The following CA10 variants were observed in gnomAD, a reference collection of about 807,000 sequenced individuals.
CA10 encodes the protein carbonic anhydrase-related protein 10.
Under a neutral mutation model 44.2 loss-of-function variants are expected in CA10, and 14 were observed. The ratio of observed to expected loss-of-function variants is 0.32; its 90% CI spans 0.21 to 0.50. The LOEUF is 0.50. Among genes scored for constraint, CA10 ranks in the 20% least tolerant of loss-of-function variants. The pLI is 0.99. For synonymous variants in CA10, 159 were observed against 141.6 expected (o/e 1.12, Z -0.87); for missense variants, 350 against 409.7 (o/e 0.85, Z 1.26).
chr17:52,141,724 G>A (rs1989484205), intron 1 of CA10, among the ~76,000 whole-genome samples: 1 of 152,162 alleles, frequency 6.6e-6, no homozygotes, highest in South Asian at 2.1e-4. Flanking sequence ...CTGAGCTCTG[G>A]TCTGAGTTGT....
intron 1 of CA10, among the ~76,000 whole-genome samples, chr17:52,076,549 A>G (rs1987824225): frequency 6.6e-6 from 1 of 152,224 alleles, no homozygotes; most frequent in Non-Finnish European, 1.5e-5. Flanking sequence ...GATGTCTATC[A>G]ATTACAAAAT....
At chr17:52,145,032 G>A (rs1388273910) in intron 1 of CA10, among the ~76,000 whole-genome samples, 1 of 152,142 alleles carries the variant, frequency 6.6e-6, no homozygotes, top group African/African-American at 2.4e-5. Context: ...AACGTATAAT[G>A]TTTTCGATGA....
At chr17:52,139,503 C>CT (rs1329533543) in intron 1 of CA10, among the ~76,000 whole-genome samples, 1 of 145,046 alleles carries the variant, frequency 6.9e-6, no homozygotes, top group Non-Finnish European at 1.5e-5. Context: ...TGTTCGGTGT[C>CT]TTTTGCTTGC....
intron 3 of CA10, among the ~76,000 whole-genome samples, chr17:51,824,906 T>G (rs1907948630): frequency 1.3e-5 from 2 of 152,278 alleles, no homozygotes; most frequent in Admixed American, 1.3e-4. Context: ...AATGGCCATT[T>G]GCAGGCGTGG....
intron 4 of CA10, among the ~76,000 whole-genome samples, chr17:51,727,348 G>A (rs1916559136): frequency 6.6e-6 from 1 of 152,024 alleles, no homozygotes; most frequent in Admixed American, 6.6e-5. Context: ...AGTAGGAGGG[G>A]TATCCCACAC....
At chr17:51,638,272 G>GA (rs1341056563) in intron 6 of CA10, among the ~76,000 whole-genome samples, 2 of 152,210 alleles carry the variant, frequency 1.3e-5, no homozygotes, top group Non-Finnish European at 2.9e-5. Context: ...CTACTCCCTT[G>GA]ATGGGGTAAG....
chr17:51,688,526 T>G (rs951269781), intron 4 of CA10, among the ~76,000 whole-genome samples: 2 of 152,226 alleles, frequency 1.3e-5, no homozygotes, highest in Non-Finnish European at 2.9e-5. Context: ...TCATCCCTAC[T>G]TCTTAGGTTG....
chr17:51,898,467 C>T (rs796583496), intron 3 of CA10, among the ~76,000 whole-genome samples: 18 of 151,918 alleles, frequency 1.2e-4, no homozygotes, highest in Admixed American at 2.6e-4. Context: ...ATTTTGTTGA[C>T]GATTTTTGCA....
At chr17:52,028,138 C>A (rs1000182166) in intron 2 of CA10, among the ~76,000 whole-genome samples, 3 of 152,122 alleles carry the variant, frequency 2.0e-5, no homozygotes, top group African/African-American at 7.2e-5. Context: ...ATGAGCTCCT[C>A]TTAATGATGG....
chr17:52,150,996 A>AT lies in CA10; in HGVS notation c.61+6729dup, dbSNP rs928303398. 6.6e-5 allele frequency among the ~76,000 whole-genome samples: 10 copies of AT among 152,112 alleles called. No homozygotes were observed. In the East Asian group the frequency reaches 7.7e-4, roughly 12 times the overall value. ...GGGCAAATTGATCTATTAGGTCAGG[A>AT]TTTTTTTTAATGTGTTTTGTGATCA... On this transcript the variant is annotated intron_variant, in intron 1 of 8. Coordinates refer to ENST00000451037, the MANE Select transcript of CA10 (RefSeq NM_020178.5).
intron 6 of CA10, among the ~76,000 whole-genome samples, chr17:51,642,375 TA>T (rs1913124358): frequency 6.6e-6 from 1 of 152,200 alleles, no homozygotes; most frequent in South Asian, 2.1e-4. Context: ...GAGCGGCGCA[TA>T]AAACACTTCC....
chr17:51,986,692 G>A (rs879925270), intron 2 of CA10, among the ~76,000 whole-genome samples: 1 of 151,928 alleles, frequency 6.6e-6, no homozygotes, highest in Non-Finnish European at 1.5e-5. Context: ...TCACAAAGTC[G>A]GCTATGGACA....
intron 3 of CA10, among the ~76,000 whole-genome samples, chr17:51,918,838 C>T (rs1033130977): frequency 6.6e-6 from 1 of 152,174 alleles, no homozygotes. Flanking sequence ...GGAACTAAAA[C>T]ATCTAACTTT....
intron 4 of CA10, among the ~76,000 whole-genome samples, chr17:51,704,863 T>C (rs934446086): frequency 1.3e-5 from 2 of 151,360 alleles, no homozygotes; most frequent in African/African-American, 4.9e-5. Flanking sequence ...TCAGGGAGGC[T>C]GAGGCAGGAG....
chr17:52,115,162 G>A (rs915329485), intron 1 of CA10, among the ~76,000 whole-genome samples: 1 of 152,212 alleles, frequency 6.6e-6, no homozygotes, highest in African/African-American at 2.4e-5. Flanking sequence ...CTGTGTGGTG[G>A]CCTGGTATTC....
intron 1 of CA10, among the ~76,000 whole-genome samples, chr17:52,156,250 C>T (rs974750678): frequency 2.6e-5 from 4 of 152,090 alleles, no homozygotes; most frequent in Non-Finnish European, 4.4e-5. Flanking sequence ...TTGTGAGATG[C>T]CACCCACTTC....
intron 2 of CA10, among the ~76,000 whole-genome samples, chr17:51,999,481 G>A (rs1475648906): frequency 6.6e-6 from 1 of 152,040 alleles, no homozygotes; most frequent in Non-Finnish European, 1.5e-5. Context: ...TTTTATGTGG[G>A]CAAGATTGGT....
chr17:52,110,369 A>T (rs1277018387), intron 1 of CA10, among the ~76,000 whole-genome samples: 1 of 152,180 alleles, frequency 6.6e-6, no homozygotes, highest in African/African-American at 2.4e-5. Flanking sequence ...GGCCAACTTT[A>T]CTAACTGTAG....
At chr17:52,071,137 G>T (rs189044887) in intron 2 of CA10, among the ~76,000 whole-genome samples, 19 of 152,266 alleles carry the variant, frequency 1.2e-4, no homozygotes, top group African/African-American at 4.6e-4. Flanking sequence ...CAATGAAATT[G>T]TTATATCATT....
Sources: gnomAD v4.1 joint callset for allele counts (sites outside exome capture counted in the v4.1 genomes callset) on GRCh38, gnomAD v4.1.1 for gene constraint, MANE v1.5 for transcripts, NCBI Gene and HGNC (gene_info 2026-07-23, HGNC 2026-07-21) for gene names.